Variants in PPARGC1A observed in about 807,000 individuals in gnomAD.
PPARGC1A encodes PPARG coactivator 1 alpha, also known as peroxisome proliferator-activated receptor gamma coactivator 1-alpha.
A neutral mutation model predicts 88.7 loss-of-function variants in PPARGC1A; 25 were observed. The observed-to-expected ratio is 0.28, with a 90% CI of 0.21 to 0.39. The LOEUF is 0.39. Ranked by LOEUF, PPARGC1A falls within the 10% of genes least tolerant of loss-of-function variation. PPARGC1A has a pLI of 1.00. For missense variants in PPARGC1A, 880 were observed against 968.7 expected, an observed-to-expected ratio of 0.91 and a Z score of 1.22; for synonymous variants, 363 against 355.6, an observed-to-expected ratio of 1.02 and a Z score of -0.24.
At chr4:24,377,686 G>A in the PPARGC1A span, among the ~76,000 whole-genome samples, 15 of 152,080 alleles carry the variant, frequency 9.9e-5, no homozygotes, top group Admixed American at 3.9e-4. Context: ...ATGTAGCGTC[G>A]ATTTCAGGAT....
chr4:24,428,282 G>T, the PPARGC1A span, among the ~76,000 whole-genome samples: 17 of 152,188 alleles, frequency 1.1e-4, no homozygotes, highest in African/African-American at 4.1e-4. Context: ...CCCTCCATCA[G>T]TGCTGGCAGA....
the PPARGC1A span, among the ~76,000 whole-genome samples, chr4:24,442,888 T>C: frequency 6.6e-6 from 1 of 152,226 alleles, no homozygotes; most frequent in Non-Finnish European, 1.5e-5. Flanking sequence ...ATTAGCTTAG[T>C]ACTTCATTCT....
chr4:24,298,197 A>AG, the PPARGC1A span, among the ~76,000 whole-genome samples: 1 of 151,150 alleles, frequency 6.6e-6, no homozygotes, highest in African/African-American at 2.4e-5. Flanking sequence ...AAAAAAAAAA[A>AG]GATAAGAAAG....
the PPARGC1A span, among the ~76,000 whole-genome samples, chr4:23,947,210 C>T: frequency 6.6e-6 from 1 of 151,704 alleles, no homozygotes; most frequent in Non-Finnish European, 1.5e-5. Context: ...TCCACGAGTA[C>T]TGATACAAAA....
At chr4:24,341,232 TAC>T in the PPARGC1A span, among the ~76,000 whole-genome samples, 3 of 150,474 alleles carry the variant, frequency 2.0e-5, no homozygotes, top group South Asian at 2.1e-4. Context: ...TATATATATA[TAC>T]ACACACGTAT....
intron 1 of PPARGC1A, among the ~76,000 whole-genome samples, chr4:23,888,147 G>A (rs1166481809): frequency 6.6e-6 from 1 of 152,210 alleles, no homozygotes; most frequent in Non-Finnish European, 1.5e-5. Context: ...GTGATTCCCA[G>A]AGCCGCTGCC....
At chr4:24,063,531 G>A in the PPARGC1A span, among the ~76,000 whole-genome samples, 1 of 152,092 alleles carries the variant, frequency 6.6e-6, no homozygotes, top group African/African-American at 2.4e-5. Context: ...CTGTAAAATT[G>A]GGATAATATT....
chr4:24,004,166 A>C, the PPARGC1A span, among the ~76,000 whole-genome samples: 137 of 152,310 alleles, frequency 9.0e-4, no homozygotes, highest in African/African-American at 3.1e-3. Context: ...GCTATAGCAG[A>C]TTAAGAAAGC....
the PPARGC1A span, among the ~76,000 whole-genome samples, chr4:24,184,148 C>T: frequency 6.6e-6 from 1 of 152,238 alleles, no homozygotes; most frequent in African/African-American, 2.4e-5. Flanking sequence ...GGATTTGAAA[C>T]CAATAACAGC....
At chr4:24,088,178 A>C in the PPARGC1A span, among the ~76,000 whole-genome samples, 1 of 151,958 alleles carries the variant, frequency 6.6e-6, no homozygotes, top group Admixed American at 6.6e-5. Context: ...GAGAGATCCC[A>C]ATATACAACA....
the PPARGC1A span, among the ~76,000 whole-genome samples, chr4:24,321,096 A>G: frequency 6.6e-6 from 1 of 152,174 alleles, no homozygotes; most frequent in African/African-American, 2.4e-5. Flanking sequence ...AAGAAGAGGA[A>G]ATTTCTCTGC....
In PPARGC1A at chr4:23,834,228, G is replaced by A. The variant is rs1027873642; in HGVS notation, c.235-2477C>T. On this transcript the variant is annotated intron_variant, in intron 2 of 12. Transcript: ENST00000264867. ...GGCAGGAGAATGGTGTGAACCCGGG[G>A]GGTGGAGCTTGCAGTGAGTCAAGAT... is the stretch of plus-strand genomic sequence containing the variant. 1.7e-4 allele frequency among the ~76,000 whole-genome samples: 26 copies of A among 152,184 alleles called. No homozygotes were observed. The East Asian group carries it at 1.7e-3, about 10-fold the overall frequency.
the PPARGC1A span, among the ~76,000 whole-genome samples, chr4:24,046,076 T>C: frequency 2.0e-5 from 3 of 152,186 alleles, no homozygotes; most frequent in South Asian, 2.1e-4. Flanking sequence ...ACAGAAGATA[T>C]AGAGTAACAA....
At chr4:23,908,120 G>A (rs1173769634), upstream of PPARGC1A, among the ~76,000 whole-genome samples, 2 of 152,184 alleles carry the variant, frequency 1.3e-5, no homozygotes, top group African/African-American at 2.4e-5. Flanking sequence ...CATGTTTGTG[G>A]AAAGGTACAG....
chr4:24,323,921 T>C, the PPARGC1A span, among the ~76,000 whole-genome samples: 1 of 152,302 alleles, frequency 6.6e-6, no homozygotes, highest in Non-Finnish European at 1.5e-5. Context: ...TCAACCTCTT[T>C]CTCCTTTCAA....
chr4:23,890,047 TGA>T (rs1717592546), upstream of PPARGC1A: 1 of 1,581,728 alleles, frequency 6.3e-7, no homozygotes, highest in Non-Finnish European at 8.6e-7. Context: ...AGCCCCTTAC[TGA>T]GAGTGAACTG....
chr4:23,948,396 T>C, the PPARGC1A span, among the ~76,000 whole-genome samples: 2 of 152,296 alleles, frequency 1.3e-5, no homozygotes, highest in South Asian at 2.1e-4. Context: ...TCCTGTGTCA[T>C]GCTTCCTGTC....
At chr4:24,128,681 T>A in the PPARGC1A span, among the ~76,000 whole-genome samples, 6 of 152,046 alleles carry the variant, frequency 3.9e-5, no homozygotes, top group African/African-American at 1.4e-4. Flanking sequence ...TTTCTTAAAA[T>A]TTTCCATGGT....
the PPARGC1A span, among the ~76,000 whole-genome samples, chr4:24,471,595 C>G: frequency 9.2e-5 from 14 of 152,212 alleles, no homozygotes; most frequent in East Asian, 5.8e-4. The surrounding 1 kb of genome is among the most constrained non-coding windows in gnomAD (Gnocchi z 5.4). Context: ...TTACCAGTGG[C>G]CCGCTGACAT....
Sources: gnomAD v4.1 joint callset for allele counts (sites outside exome capture counted in the v4.1 genomes callset) on GRCh38, gnomAD v4.1.1 for gene constraint, Gnocchi (gnomAD v3.1) non-coding constraint, MANE v1.5 for transcripts, NCBI Gene and HGNC (gene_info 2026-07-23, HGNC 2026-07-21) for gene names.